The following KIRREL1 variants were observed in gnomAD, a reference collection of about 807,000 sequenced individuals.
KIRREL1 encodes the protein kirre like nephrin family adhesion molecule 1.
In KIRREL1, 25 loss-of-function variants were observed where a neutral mutation model predicts 83.3. The observed-to-expected ratio is 0.30, with a 90% CI of 0.22 to 0.42. The LOEUF is 0.42. Ranked by LOEUF, KIRREL1 falls within the 10% of genes least tolerant of loss-of-function variation. The pLI is 1.00. For missense variants in KIRREL1, 812 were observed against 1,032.3 expected, an observed-to-expected ratio of 0.79 and a Z score of 2.92; for synonymous variants, 388 against 410.4, an observed-to-expected ratio of 0.95 and a Z score of 0.66.
At chr1:158,086,572 T>G (rs1460443426) in intron 4 of KIRREL1, 24 bp from the exon 5 acceptor site, 1 of 1,549,758 alleles carries the variant, frequency 6.5e-7, no homozygotes, top group Non-Finnish European at 8.7e-7. Context: ...CTTAACCATA[T>G]CTCCCACCCT....
intron 1 of KIRREL1, among the ~76,000 whole-genome samples, chr1:158,056,460 C>T (rs1030043244): frequency 2.6e-5 from 4 of 152,154 alleles, no homozygotes; most frequent in African/African-American, 9.7e-5. Flanking sequence ...GCCAAAGAGC[C>T]CCCAAAGGCT....
Position 158,086,727 on chromosome 1 carries a change from C to A in KIRREL1, c.642C>A (p.Ser214=). 1 of 1,551,496 alleles carries A rather than the reference C, an allele frequency of 6.4e-7. No homozygotes were observed. The highest frequency in any genetic ancestry group is 8.7e-7 in the Non-Finnish European group (1 of 1,146,944). Residue 214 remains serine, a synonymous_variant, in exon 5 of 15, where the codon TCC becomes TCA. Transcript: ENST00000359209. The part of the protein sequence containing the change: ...NEAIPSGKET[S]IELDVHHPPT... ...CCATCCCTAGTGGCAAGGAGACTTCCATCGAGCTGGATGTGCACCGTGAGT... is the reference window on the plus strand; with the variant it reads ...CCATCCCTAGTGGCAAGGAGACTTCAATCGAGCTGGATGTGCACCGTGAGT...
intron 1 of KIRREL1, among the ~76,000 whole-genome samples, chr1:158,027,830 A>T (rs1660214963): frequency 6.6e-6 from 1 of 152,192 alleles, no homozygotes; most frequent in African/African-American, 2.4e-5. Context: ...TGTGAGTAGC[A>T]TAGCCAGGAA....
intron 1 of KIRREL1, among the ~76,000 whole-genome samples, chr1:158,047,793 A>G (rs1227370842): frequency 2.0e-5 from 3 of 152,148 alleles, no homozygotes. Flanking sequence ...GAGCTGTGAA[A>G]TGCTGACTAT....
At position 158,089,599 on chromosome 1, in the gene KIRREL1, C is replaced by G; in HGVS notation, c.1142C>G (p.Ala381Gly). 2 of 1,613,856 alleles carry G rather than the reference C, an allele frequency of 1.2e-6. No individual in the cohort carries two copies. Among genetic ancestry groups the G allele is most frequent in the Non-Finnish European group, 1.7e-6 (2 of 1,179,850 alleles). ...GCCATCGTGCCTCGAATCGGAGTGG[C>G]TGAGCGGGAGGTGCCGCTCTATGTG... is the stretch of plus-strand genomic sequence containing the variant. ...CRAIVPRIGV[A>G]EREVPLYVNG... is the part of the protein sequence containing the mutation. The change falls in exon 9 of 15, where the codon GCT (alanine) becomes GGT (glycine). Residue 381 changes from alanine (A) to glycine (G), a missense_variant. By Grantham distance (60) the Ala-to-Gly change is moderately conservative. Transcript: ENST00000359209.
At chr1:158,065,972 A>G (rs1304690887) in intron 1 of KIRREL1, among the ~76,000 whole-genome samples, 1 of 149,834 alleles carries the variant, frequency 6.7e-6, no homozygotes, top group African/African-American at 2.4e-5. Context: ...TTTTTTATCA[A>G]ATTTCCCAAC....
intron 1 of KIRREL1, among the ~76,000 whole-genome samples, chr1:158,017,565 G>A (rs1324745711): frequency 8.6e-5 from 13 of 151,914 alleles, no homozygotes; most frequent in African/African-American, 2.4e-4. Flanking sequence ...TGGTGGTGGC[G>A]CCTGTAATCC....
At chr1:158,056,292 G>A (rs184999747) in intron 1 of KIRREL1, among the ~76,000 whole-genome samples, 1 of 152,318 alleles carries the variant, frequency 6.6e-6, no homozygotes, top group Non-Finnish European at 1.5e-5. Context: ...CCCCTGCAGT[G>A]GTGATGACAG....
intron 1 of KIRREL1, among the ~76,000 whole-genome samples, chr1:158,028,463 T>C (rs1660231862): frequency 2.0e-5 from 3 of 152,212 alleles, no homozygotes; most frequent in Admixed American, 2.0e-4. Context: ...CAAAGCTGGA[T>C]GCAAATTCTG....
chr1:158,084,691 T>C (rs1387207360), intron 4 of KIRREL1, 112 bp downstream of exon 4: 2 of 1,139,882 alleles, frequency 1.8e-6, no homozygotes, highest in East Asian at 2.6e-5. Context: ...AGAGGGGTCT[T>C]AGAGGTCATC....
chr1:158,026,653 T>C (rs938381410), intron 1 of KIRREL1, among the ~76,000 whole-genome samples: 2 of 152,112 alleles, frequency 1.3e-5, no homozygotes, highest in African/African-American at 4.8e-5. Context: ...TTATGTGATC[T>C]TCCCAATGAT....
chr1:158,075,281 C>G (rs987063711), intron 1 of KIRREL1, among the ~76,000 whole-genome samples: 1 of 152,214 alleles, frequency 6.6e-6, no homozygotes, highest in Non-Finnish European at 1.5e-5. Flanking sequence ...TGCTCCCGGC[C>G]GAGCTGCCAG....
chr1:158,087,630 A>ATGGAGCCGT, intron 5 of KIRREL1, 125 bp from the exon 6 acceptor site: 1 of 653,724 alleles, frequency 1.5e-6, no homozygotes, highest in South Asian at 2.1e-5. Flanking sequence ...ACTGGAGCCG[A>ATGGAGCCGT]TACACTGCAA....
chr1:158,091,293 A>T, intron 10 of KIRREL1, 65 bp from the exon 11 acceptor site: 1 of 1,468,614 alleles, frequency 6.8e-7, no homozygotes, highest in Admixed American at 1.8e-5. Context: ...GGATCAGGGG[A>T]CACGTGGGCA....
chr1:158,044,369 A>G (rs986882812), intron 1 of KIRREL1, among the ~76,000 whole-genome samples: 2 of 152,176 alleles, frequency 1.3e-5, no homozygotes, highest in African/African-American at 4.8e-5. Context: ...CTCTCTGGAC[A>G]CTCACTTTAA....
chr1:158,010,883 A>C (rs2101636505), intron 1 of KIRREL1, among the ~76,000 whole-genome samples: 1 of 152,300 alleles, frequency 6.6e-6, no homozygotes, highest in East Asian at 1.9e-4. Flanking sequence ...AAATTATAAG[A>C]AGGGAAGGGA....
At chr1:158,002,383 C>A (rs1659385840) in intron 1 of KIRREL1, among the ~76,000 whole-genome samples, 1 of 152,204 alleles carries the variant, frequency 6.6e-6, no homozygotes, top group South Asian at 2.1e-4. Context: ...AATTCTGGGC[C>A]ATTTCCACTG....
chr1:158,079,223 G>T (rs181001455), intron 3 of KIRREL1, among the ~76,000 whole-genome samples: 175 of 152,234 alleles, frequency 1.1e-3, no homozygotes, highest in African/African-American at 4.0e-3. Flanking sequence ...CACTGAATTT[G>T]CGGGGAGCCC....
chr1:158,001,875 G>A (rs1219493563), intron 1 of KIRREL1, among the ~76,000 whole-genome samples: 2 of 152,114 alleles, frequency 1.3e-5, no homozygotes, highest in Non-Finnish European at 2.9e-5. Context: ...TGTAAGAACT[G>A]GGGAGCAATG....
Sources: gnomAD v4.1 joint callset for allele counts (sites outside exome capture counted in the v4.1 genomes callset) on GRCh38, gnomAD v4.1.1 for gene constraint, MANE v1.5 for transcripts, NCBI Gene and HGNC (gene_info 2026-07-23, HGNC 2026-07-21) for gene names.